Variants in ABLIM1 observed in about 807,000 individuals in gnomAD.
ABLIM1 encodes the protein actin binding LIM protein 1, also known as actin-binding LIM protein 1.
A neutral mutation model predicts 107.0 loss-of-function variants in ABLIM1; 40 were observed. That is an observed-to-expected ratio of 0.37 (90% CI 0.29 to 0.49). ABLIM1 has a LOEUF of 0.49. ABLIM1 is among the 20% of genes least tolerant of loss of function. The pLI, the probability that ABLIM1 is intolerant of heterozygous loss-of-function variation, is 0.97. For missense variants in ABLIM1, 857 were observed against 1,008.5 expected (o/e 0.85, Z 2.04); for synonymous variants, 357 against 357.3 (o/e 1.00, Z 0.01).
At chr10:114,722,589 T>C (rs992611341) in intron 1 of ABLIM1, among the ~76,000 whole-genome samples, 2 of 152,270 alleles carry the variant, frequency 1.3e-5, no homozygotes. Flanking sequence ...TATTTACATG[T>C]ACACACACAA....
chr10:114,589,776 A>G (rs768584535), intron 2 of ABLIM1, among the ~76,000 whole-genome samples: 5 of 152,194 alleles, frequency 3.3e-5, no homozygotes, highest in African/African-American at 4.8e-5. Context: ...AAACTTTTTA[A>G]AAATAAGGTT....
chr10:114,439,124 G>A, intron 21 of ABLIM1, 52 bp downstream of exon 21: 1 of 1,594,516 alleles, frequency 6.3e-7, no homozygotes, highest in South Asian at 1.1e-5. Flanking sequence ...CATCAAATCT[G>A]TTTAGGGTTA....
chr10:114,755,411 A>G (rs2082607086), intron 1 of ABLIM1, among the ~76,000 whole-genome samples: 1 of 152,164 alleles, frequency 6.6e-6, no homozygotes, highest in Admixed American at 6.5e-5. Context: ...AGGAGTGACT[A>G]TGGCCTTCCA....
chr10:114,437,715 C>T (rs946281361), intron 22 of ABLIM1, 129 bp downstream of exon 22: 137 of 748,110 alleles, frequency 1.8e-4, no homozygotes, highest in Admixed American at 6.1e-4. Flanking sequence ...TTAGTTCTAC[C>T]TATGACATGA....
chr10:114,702,634 C>T (rs1186344101), intron 1 of ABLIM1, among the ~76,000 whole-genome samples: 1 of 150,322 alleles, frequency 6.7e-6, no homozygotes, highest in African/African-American at 2.5e-5. Context: ...TCACGCCATT[C>T]TCTTGCCTCA....
chr10:114,755,277 G>A (rs758099970), intron 1 of ABLIM1, among the ~76,000 whole-genome samples: 24 of 152,142 alleles, frequency 1.6e-4, no homozygotes, highest in African/African-American at 2.7e-4. Flanking sequence ...CTTCTGAGGC[G>A]GGACAGTTTC....
Position 114,714,986 on chromosome 10 carries a change from G to A in ABLIM1, c.-213+53075C>T, listed in dbSNP as rs541854596. Among the ~76,000 whole-genome samples the A allele has an allele frequency of 7.2e-4, 109 of 152,070 alleles. 2 individuals carry two copies. The highest frequency in any genetic ancestry group is 2.4e-3 in the African/African-American group (101 of 41,488). On this transcript the variant is annotated intron_variant, in intron 1 of 15. Coordinates refer to the ABLIM1 transcript ENST00000651092. ...GAGTGACTCCAATGTCAACTTCTAA[G>A]CACTCTCAAAGGAAGAAGGAGAGAA...
chr10:114,652,215 T>A (rs1433008882), intron 1 of ABLIM1, among the ~76,000 whole-genome samples: 1 of 152,234 alleles, frequency 6.6e-6, no homozygotes, highest in African/African-American at 2.4e-5. Context: ...TTGAAGAATA[T>A]GCTGTCTTTT....
chr10:114,516,131 A>G lies in ABLIM1; in HGVS notation c.895-24253T>C, dbSNP rs561397019. ...TCTAAGGGAGTGAGGTGAGCAAGGT[A>G]TCAATTTTAAACATTGTCTAAGGGA... On this transcript the variant is annotated intron_variant, in intron 6 of 22. Coordinates refer to ENST00000533213, the MANE Select transcript of ABLIM1 (RefSeq NM_002313.7). 4.0e-5 allele frequency among the ~76,000 whole-genome samples: 6 copies of G among 151,750 alleles called. 1 individual carries two copies. In the South Asian group the frequency reaches 1.3e-3, roughly 32 times the overall value.
chr10:114,625,192 C>T (rs2077710973), intron 1 of ABLIM1, among the ~76,000 whole-genome samples: 1 of 152,068 alleles, frequency 6.6e-6, no homozygotes, highest in Non-Finnish European at 1.5e-5. Context: ...AAACTTCAAC[C>T]CGTGGCTAGG....
chr10:114,545,033 T>G lies in ABLIM1; in HGVS notation c.866A>C (p.His289Pro). ...GLFGVKCEAC[H>P]QFITGKVLEA... is the part of the protein sequence containing the mutation. ...CAGGACTTTCCCTGTGATAAACTGG[T>G]GACACGCCTCACATTTCACCCCAAA... The change falls in exon 6 of 23, where the codon CAC (histidine) becomes CCC (proline). Residue 289 changes from histidine to proline, a missense_variant. Coordinates refer to ENST00000533213, the MANE Select transcript of ABLIM1 (RefSeq NM_002313.7). 2 of 1,614,126 alleles carry G rather than the reference T, an allele frequency of 1.2e-6. No individual in the cohort carries two copies. Among genetic ancestry groups the G allele is most frequent in the Non-Finnish European group, 1.7e-6 (2 of 1,180,016 alleles).
chr10:114,622,142 T>C (rs1328466200), intron 1 of ABLIM1, among the ~76,000 whole-genome samples: 2 of 152,060 alleles, frequency 1.3e-5, no homozygotes, highest in African/African-American at 2.4e-5. Context: ...ATAGCCCCTA[T>C]CATTTTTCCA....
chr10:114,768,392 C>A (rs2082958558), upstream of ABLIM1, among the ~76,000 whole-genome samples: 1 of 150,958 alleles, frequency 6.6e-6, no homozygotes, highest in Non-Finnish European at 1.5e-5. Context: ...GGGGCTCTGT[C>A]CCCGAGGAAC....
chr10:114,734,427 C>T (rs1230357887), intron 1 of ABLIM1, among the ~76,000 whole-genome samples: 1 of 152,172 alleles, frequency 6.6e-6, no homozygotes, highest in Non-Finnish European at 1.5e-5. Context: ...TCCAATGACA[C>T]TCTCCCAAAG....
chr10:114,751,102 A>G (rs1206270097), intron 1 of ABLIM1, among the ~76,000 whole-genome samples: 1 of 152,184 alleles, frequency 6.6e-6, no homozygotes, highest in Admixed American at 6.5e-5. Context: ...TGAATACCCA[A>G]AGAGGTAATC....
intron 4 of ABLIM1, among the ~76,000 whole-genome samples, chr10:114,552,936 T>G (rs1279371165): frequency 6.6e-6 from 1 of 152,168 alleles, no homozygotes; most frequent in Non-Finnish European, 1.5e-5. Flanking sequence ...ACTTCAGTGC[T>G]CAGACATCCC....
chr10:114,697,134 T>A (rs1231128108), intron 1 of ABLIM1, among the ~76,000 whole-genome samples: 1 of 152,164 alleles, frequency 6.6e-6, no homozygotes, highest in Admixed American at 6.5e-5. Context: ...AACACGCCCC[T>A]TCCCTTCTCA....
chr10:114,507,346 T>A (rs1316541007), intron 6 of ABLIM1, among the ~76,000 whole-genome samples: 1 of 151,986 alleles, frequency 6.6e-6, no homozygotes, highest in African/African-American at 2.4e-5. Context: ...GACTGAAAAA[T>A]AAATCTGAAG....
chr10:114,660,479 G>GAA (rs61010307), upstream of ABLIM1, among the ~76,000 whole-genome samples: 4 of 95,494 alleles, frequency 4.2e-5, no homozygotes, highest in Admixed American at 3.1e-4. Context: ...AATACAACTG[G>GAA]AAAAAAAAAA....
Sources: allele counts gnomAD v4.1 joint callset (sites outside exome capture counted in the v4.1 genomes callset), GRCh38; gene constraint gnomAD v4.1.1; transcripts MANE v1.5; gene names NCBI Gene and HGNC (gene_info 2026-07-23, HGNC 2026-07-21).